Variants in SBF2 observed in about 807,000 individuals in gnomAD.
SBF2 encodes the protein SET binding factor 2.
In SBF2, 112 loss-of-function variants were observed where a neutral mutation model predicts 225.2. That is an observed-to-expected ratio of 0.50 (90% confidence interval 0.43 to 0.58). SBF2 has a LOEUF of 0.58. Ranked by LOEUF, SBF2 falls within the 20% of genes least tolerant of loss-of-function variation. The pLI, the probability that SBF2 is intolerant of heterozygous loss-of-function variation, is 0.00. For synonymous variants in SBF2, 763 were observed against 773.3 expected, an observed-to-expected ratio of 0.99 and a Z score of 0.22; for missense variants, 1,996 against 2,206.2, an observed-to-expected ratio of 0.90 and a Z score of 1.91.
chr11:9,812,332 G>A (rs1407161493), intron 30 of SBF2, among the ~76,000 whole-genome samples, 200 bp downstream of exon 30: 1 of 152,096 alleles, frequency 6.6e-6, no homozygotes, highest in Non-Finnish European at 1.5e-5. Flanking sequence ...AAAACCCAGC[G>A]ATCAAGACTT....
intron 2 of SBF2, among the ~76,000 whole-genome samples, chr11:10,182,202 A>T (rs559944025): frequency 8.5e-5 from 13 of 152,326 alleles, no homozygotes; most frequent in African/African-American, 3.1e-4. Context: ...TAGATGTATA[A>T]TTCGACAAAA....
chr11:10,171,101 C>T (rs56758314), intron 2 of SBF2, among the ~76,000 whole-genome samples: 42,342 of 151,888 alleles, frequency 0.28, 6,100 homozygotes, highest in Middle Eastern at 0.35. Context: ...TAATTTGACT[C>T]CCTCCTTTCC....
chr11:9,842,507 C>T, intron 25 of SBF2, 118 bp downstream of exon 25: 4 of 1,004,322 alleles, frequency 4.0e-6, no homozygotes, highest in Non-Finnish European at 6.1e-6. Context: ...TAAGTGCTTC[C>T]ATCTTCTCAT....
chr11:10,135,858 C>T (rs1954321120), intron 2 of SBF2, among the ~76,000 whole-genome samples: 1 of 152,172 alleles, frequency 6.6e-6, no homozygotes, highest in African/African-American at 2.4e-5. Context: ...CGGCCTGCTA[C>T]CCAGTTCCAA....
chr11:9,853,772 A>G (rs1857127992), intron 19 of SBF2, 60 bp from the exon 20 acceptor site: 1 of 1,456,228 alleles, frequency 6.9e-7, no homozygotes, highest in Non-Finnish European at 9.6e-7. Flanking sequence ...TGACTACTAT[A>G]TAGTAGTCAA....
intron 17 of SBF2, among the ~76,000 whole-genome samples, chr11:9,895,070 T>G (rs1180445728): frequency 6.6e-6 from 1 of 152,200 alleles, no homozygotes; most frequent in Non-Finnish European, 1.5e-5. Flanking sequence ...CTTGACTGAT[T>G]CATCCCTAAA....
At chr11:9,796,171 A>C (rs958170506) in intron 32 of SBF2, among the ~76,000 whole-genome samples, 1 of 151,784 alleles carries the variant, frequency 6.6e-6, no homozygotes, top group African/African-American at 2.4e-5. Flanking sequence ...TTTTTTTTTA[A>C]ATAAACATAA....
intron 17 of SBF2, among the ~76,000 whole-genome samples, chr11:9,871,471 TTATTA>T (rs1047138713): frequency 1.6e-4 from 1 of 6,080 alleles, no homozygotes; most frequent in Non-Finnish European, 8.7e-4. Flanking sequence ...AGGATGACGC[TTATTA>T]TTATTATTAT....
chr11:9,892,111 A>T (rs1173051646), intron 17 of SBF2, among the ~76,000 whole-genome samples: 1 of 152,098 alleles, frequency 6.6e-6, no homozygotes, highest in Non-Finnish European at 1.5e-5. Flanking sequence ...GATACTTTTA[A>T]AAAAAATTAT....
At chr11:9,852,119 G>C (rs920360021) in intron 21 of SBF2, among the ~76,000 whole-genome samples, 5 of 152,190 alleles carry the variant, frequency 3.3e-5, no homozygotes, top group Non-Finnish European at 7.3e-5. Flanking sequence ...ATATAGGCAA[G>C]AGGGTCCTGA....
intron 6 of SBF2, among the ~76,000 whole-genome samples, chr11:10,006,008 ATG>A (rs1948172776): frequency 6.6e-6 from 1 of 152,168 alleles, no homozygotes; most frequent in East Asian, 1.9e-4. Context: ...CAAGAGGTTC[ATG>A]AGAGTGGTAG....
intron 6 of SBF2, among the ~76,000 whole-genome samples, chr11:10,014,417 G>T (rs1400417369): frequency 6.9e-6 from 1 of 145,958 alleles, no homozygotes; most frequent in Non-Finnish European, 1.5e-5. Context: ...TGAGAATGCT[G>T]GAACCTAATA....
chr11:10,169,889 G>C (rs111377412), intron 2 of SBF2, among the ~76,000 whole-genome samples: 1,919 of 152,190 alleles, frequency 0.013, 19 homozygotes, highest in Non-Finnish European at 0.018. Context: ...GGGGTGAGAT[G>C]GTATCTCGTT....
intron 13 of SBF2, among the ~76,000 whole-genome samples, chr11:9,985,558 G>T (rs1196947550): frequency 6.6e-6 from 1 of 152,014 alleles, no homozygotes; most frequent in African/African-American, 2.4e-5. Flanking sequence ...CCTGACTTCA[G>T]GTGATCCTCC....
At chr11:10,282,286 T>C (rs1963462356) in intron 1 of SBF2, among the ~76,000 whole-genome samples, 2 of 152,184 alleles carry the variant, frequency 1.3e-5, no homozygotes, top group South Asian at 4.1e-4. Context: ...CTGCTTTATC[T>C]ACCTTTTGAA....
chr11:10,251,595 T>C lies in SBF2; in HGVS notation c.55+42420A>G, dbSNP rs550426137. Among the ~76,000 whole-genome samples the C allele has an allele frequency of 9.8e-5, 15 of 152,288 alleles. No individual in the cohort carries two copies. In the South Asian group the frequency reaches 1.2e-3, roughly 13 times the overall value. On this transcript the variant is annotated intron_variant, in intron 1 of 39. Coordinates refer to ENST00000256190, the MANE Select transcript of SBF2 (RefSeq NM_030962.4). ...TCATCTAGCTCCTTCTTTAATCTAT[T>C]TAATCTTAGGTGGTTTGGTTTATGG...
chr11:10,117,952 G>C (rs2135039438), intron 2 of SBF2, among the ~76,000 whole-genome samples: 1 of 152,102 alleles, frequency 6.6e-6, no homozygotes, highest in South Asian at 2.1e-4. Context: ...AAAGAATCTT[G>C]GCAGTTTCTA....
chr11:10,143,662 C>T (rs557570523), intron 2 of SBF2, among the ~76,000 whole-genome samples: 2 of 151,938 alleles, frequency 1.3e-5, no homozygotes, highest in East Asian at 3.9e-4. Context: ...GATTTCAGTG[C>T]AATCTTCATC....
chr11:10,210,576 A>C (rs1957903003), intron 1 of SBF2, among the ~76,000 whole-genome samples: 1 of 152,208 alleles, frequency 6.6e-6, no homozygotes, highest in Admixed American at 6.5e-5. Flanking sequence ...ATTAGGAGAC[A>C]ACTGGCCGTT....
Sources: gnomAD v4.1 joint callset for allele counts (sites outside exome capture counted in the v4.1 genomes callset) on GRCh38, gnomAD v4.1.1 for gene constraint, MANE v1.5 for transcripts, NCBI Gene and HGNC (gene_info 2026-07-23, HGNC 2026-07-21) for gene names.